The following PM20D2 variants were observed in gnomAD, a reference collection of about 807,000 sequenced individuals.
PM20D2 encodes the protein peptidase M20 domain containing 2, also known as xaa-Arg dipeptidase.
A neutral mutation model predicts 42.9 loss-of-function variants in PM20D2; 33 were observed. The ratio of observed to expected loss-of-function variants is 0.77; its 90% CI spans 0.58 to 1.03. PM20D2 has a LOEUF of 1.03. Among genes scored for constraint, PM20D2 ranks in the 50% least tolerant of loss-of-function variants. The probability of loss-of-function intolerance (pLI) is 0.00; values close to 1 mark genes in which losing one functional copy is unlikely to be tolerated. For missense variants in PM20D2, 548 were observed against 557.0 expected (o/e 0.98, Z 0.16); for synonymous variants, 250 against 228.2 (o/e 1.10, Z -0.86).
chr6:89,098,732 C>T, the PM20D2 span: 1 of 1,613,872 alleles, frequency 6.2e-7, no homozygotes, highest in Non-Finnish European at 8.5e-7. Flanking sequence ...TCCATGTGAT[C>T]TTGATTTTGT....
intron 4 of PM20D2, among the ~76,000 whole-genome samples, chr6:89,155,240 T>C (rs1770998564): frequency 6.7e-6 from 1 of 148,956 alleles, no homozygotes; most frequent in African/African-American, 2.5e-5. Flanking sequence ...GGAAAGTTTA[T>C]GGCAAAATCA....
rs1218087846 is a variant in PM20D2, at chr6:89,158,342, A to G, written c.930A>G (p.Gly310=). 1 of 1,583,244 alleles carries G rather than the reference A, an allele frequency of 6.3e-7. No individual in the cohort carries two copies. Among genetic ancestry groups the G allele is most frequent in the Non-Finnish European group, 8.5e-7 (1 of 1,170,854 alleles). ...TTTATTAGGTGGAAATTAAAGGTGG[A>G]GCACATGATTATTACAATGTTCTTC... ...ASGCTVEIKG[G]AHDYYNVLPN... The change falls in exon 5 of 7, where the codon GGA becomes GGG. Residue 310 remains glycine (G), a synonymous_variant. Transcript: ENST00000275072.
chr6:89,154,633 G>T, intron 3 of PM20D2, 115 bp from the exon 4 acceptor site: 1 of 703,460 alleles, frequency 1.4e-6, no homozygotes, highest in Non-Finnish European at 2.2e-6. Context: ...GGTGGAGCTA[G>T]TGAGTTTAAA....
the PM20D2 span, among the ~76,000 whole-genome samples, chr6:89,122,428 A>G: frequency 7.2e-5 from 11 of 152,330 alleles, no homozygotes; most frequent in East Asian, 1.9e-3. Context: ...AATACATACG[A>G]TATTTGTTAT....
chr6:89,145,180 A>T (rs1770481672), upstream of PM20D2, among the ~76,000 whole-genome samples: 2 of 152,230 alleles, frequency 1.3e-5, no homozygotes, highest in South Asian at 4.1e-4. Context: ...CATACCGTCA[A>T]CAACAGTTTT....
At chr6:89,121,752 T>C in the PM20D2 span, among the ~76,000 whole-genome samples, 1 of 152,192 alleles carries the variant, frequency 6.6e-6, no homozygotes, top group Non-Finnish European at 1.5e-5. Context: ...CATTTTTACA[T>C]GAGAGTTTCA....
the PM20D2 span, among the ~76,000 whole-genome samples, chr6:89,138,399 A>G: frequency 6.6e-6 from 1 of 152,218 alleles, no homozygotes; most frequent in Admixed American, 6.5e-5. Context: ...AACTGCTGCC[A>G]CTTGGTATGA....
At chr6:89,104,177 C>T in the PM20D2 span, among the ~76,000 whole-genome samples, 1 of 148,712 alleles carries the variant, frequency 6.7e-6, no homozygotes, top group Non-Finnish European at 1.5e-5. Flanking sequence ...AGATTACAAA[C>T]TGTTGGGCAC....
At chr6:89,149,220 A>C in intron 1 of PM20D2, 45 bp from the exon 2 acceptor site, 1 of 1,595,738 alleles carries the variant, frequency 6.3e-7, no homozygotes, top group Non-Finnish European at 8.6e-7. Context: ...ATATATTCCT[A>C]TGAGGATTTT....
At chr6:89,120,872 T>C in the PM20D2 span, among the ~76,000 whole-genome samples, 1 of 152,180 alleles carries the variant, frequency 6.6e-6, no homozygotes. Flanking sequence ...AGCAAGACCC[T>C]GTCTGTAAAT....
chr6:89,099,445 T>TATATATGTGTGTATATATACACACAC, the PM20D2 span, among the ~76,000 whole-genome samples: 388 of 91,190 alleles, frequency 4.3e-3, 8 homozygotes, highest in African/African-American at 0.013. Context: ...TATATACACA[T>TATATATGTGTGTATATATACACACAC]ATATATGTGT....
chr6:89,145,994 C>T, upstream of PM20D2: 1 of 599,116 alleles, frequency 1.7e-6, no homozygotes, highest in Non-Finnish European at 2.5e-6. Context: ...CCGGGGGCGG[C>T]CCCGGGACTG....
chr6:89,114,646 A>G, the PM20D2 span, among the ~76,000 whole-genome samples: 1 of 152,266 alleles, frequency 6.6e-6, no homozygotes, highest in Non-Finnish European at 1.5e-5. Context: ...AAATCAGTCA[A>G]TCTCAACTAT....
the PM20D2 span, among the ~76,000 whole-genome samples, chr6:89,112,237 C>T: frequency 6.6e-6 from 1 of 152,118 alleles, no homozygotes; most frequent in Non-Finnish European, 1.5e-5. Flanking sequence ...TTTAAAATTT[C>T]TTTAGTTCTT....
chr6:89,152,007 A>T (rs1770863870), intron 2 of PM20D2, among the ~76,000 whole-genome samples: 2 of 152,054 alleles, frequency 1.3e-5, no homozygotes, highest in East Asian at 3.9e-4. Context: ...GCAGAGGAGG[A>T]TTGCTTGAAC....
chr6:89,101,109 CA>C, the PM20D2 span, among the ~76,000 whole-genome samples: 453 of 54,622 alleles, frequency 8.3e-3, 3 homozygotes, highest in African/African-American at 0.016. Context: ...ACCTCCAAGA[CA>C]AAAAAAAAAA....
the PM20D2 span, among the ~76,000 whole-genome samples, chr6:89,137,730 G>T: frequency 6.6e-6 from 1 of 152,082 alleles, no homozygotes; most frequent in East Asian, 1.9e-4. Context: ...ATTTAGACCA[G>T]ACTACAGCAA....
At chr6:89,102,829 G>A in the PM20D2 span, among the ~76,000 whole-genome samples, 1 of 152,160 alleles carries the variant, frequency 6.6e-6, no homozygotes, top group Non-Finnish European at 1.5e-5. Context: ...ATGGCTCACT[G>A]CAGCCTTGAC....
the PM20D2 span, among the ~76,000 whole-genome samples, chr6:89,102,929 A>AT: frequency 6.8e-4 from 104 of 151,868 alleles, no homozygotes; most frequent in Non-Finnish European, 1.4e-3. Context: ...CACGTGGCTA[A>AT]TTTTTTTTAG....
Sources: allele counts gnomAD v4.1 joint callset (sites outside exome capture counted in the v4.1 genomes callset), GRCh38; gene constraint gnomAD v4.1.1; transcripts MANE v1.5; gene names NCBI Gene and HGNC (gene_info 2026-07-23, HGNC 2026-07-21).